Variants in ADGRB2 observed in about 807,000 individuals in gnomAD.
The protein encoded by ADGRB2 is adhesion G protein-coupled receptor B2.
Under a neutral mutation model 178.7 loss-of-function variants are expected in ADGRB2, and 47 were observed. That is an observed-to-expected ratio of 0.26 (90% CI 0.21 to 0.34). ADGRB2 has a LOEUF of 0.34. ADGRB2 is among the 10% of genes least tolerant of loss of function. The pLI is 1.00. For synonymous variants in ADGRB2, 870 were observed against 912.4 expected, an observed-to-expected ratio of 0.95 and a Z score of 0.84; for missense variants, 1,584 against 2,180.8, an observed-to-expected ratio of 0.73 and a Z score of 5.45.
Position 31,756,174 on chromosome 1 carries a change from T to C in ADGRB2, c.663A>G (p.Pro221=), listed in dbSNP as rs1646821293. The part of the protein sequence containing the change: ...AAGRACGFAQ[P]GCSCPGEAGA... The stretch of plus-strand genomic sequence containing the variant: ...CCGCCTCTCCAGGGCAGCTGCAGCC[T>C]GGCTGAGCAAAGCCGCAGGCCCTGC... The change falls in exon 4 of 33, where the codon CCA becomes CCG. Residue 221 remains proline (P), a synonymous_variant. Transcript: ENST00000373658. This position sits in a 1 kb window ranked among gnomAD's most constrained non-coding sequence, Gnocchi z 8.5. 1.2e-6 allele frequency: 2 copies of C among 1,613,236 alleles called. No individual in the cohort carries two copies. The highest frequency in any genetic ancestry group is 1.7e-6 in the Non-Finnish European group (2 of 1,179,868).
intron 20 of ADGRB2, among the ~76,000 whole-genome samples, chr1:31,737,128 T>C (rs1053020126): frequency 6.6e-6 from 1 of 152,056 alleles, no homozygotes; most frequent in Non-Finnish European, 1.5e-5. Context: ...GAGGCCTCAC[T>C]CAGGCTTCCA....
Position 31,728,370 on chromosome 1 carries a change from A to G in ADGRB2, c.4417-90T>C. 1 of 1,392,666 alleles carries G rather than the reference A, an allele frequency of 7.2e-7. No homozygotes were observed. Among genetic ancestry groups the G allele is most frequent in the South Asian group, 1.2e-5 (1 of 84,166 alleles). The allele number at this position is 1,392,666 out of a possible 1,614,324, so 86.3% of individuals were successfully genotyped here. ...GCACTCAGCACCCCAAGCCCCCCAC[A>G]TCCCTCCCTGCTGCCAGCCCCTCTG... On this transcript the variant is annotated intron_variant, in intron 30 of 32. Transcript: ENST00000373658. The surrounding 1 kb of genome is among the most constrained non-coding windows in gnomAD (Gnocchi z 6.7).
In ADGRB2 at chr1:31,740,123, T is replaced by A. The variant is rs1645854551; in HGVS notation, c.2045A>T (p.Asp682Val). 6.2e-7 allele frequency: 1 copy of A among 1,614,070 alleles called. No individual in the cohort carries two copies. The highest frequency in any genetic ancestry group is 8.5e-7 in the Non-Finnish European group (1 of 1,179,990). The part of the protein sequence containing the change: ...MVDAENKEKW[D>V]DAQQVSPGSV... ...TGTGCCCCGCACCTGCTGAGCATCGTCCCACTTCTCCTTGTTTTCCGCATC... is the reference window on the plus strand; with the variant it reads ...TGTGCCCCGCACCTGCTGAGCATCGACCCACTTCTCCTTGTTTTCCGCATC... Residue 682 changes from aspartate (D) to valine (V), a missense_variant, in exon 13 of 33, where the codon GAC (aspartate) becomes GTC (valine). Coordinates refer to ENST00000373658, the MANE Select transcript of ADGRB2 (RefSeq NM_001364857.2). This position sits in a 1 kb window ranked among gnomAD's most constrained non-coding sequence, Gnocchi z 5.9.
chr1:31,739,892 T>C (rs762547116), intron 14 of ADGRB2, 34 bp downstream of exon 14: 24 of 1,589,150 alleles, frequency 1.5e-5, no homozygotes, highest in Non-Finnish European at 2.0e-5. Context: ...TTCTGGCACA[T>C]TCAGGACCCC....
intron 15 of ADGRB2, 178 bp from the exon 16 acceptor site, chr1:31,739,115 G>T: frequency 2.4e-6 from 2 of 845,776 alleles, no homozygotes; most frequent in Non-Finnish European, 3.6e-6. Flanking sequence ...CTCACCCGCT[G>T]GGTGGCAGCC....
intron 4 of ADGRB2, among the ~76,000 whole-genome samples, chr1:31,747,231 C>T (rs1646323663): frequency 6.6e-6 from 1 of 152,108 alleles, no homozygotes. Flanking sequence ...GGTCTATTTT[C>T]CTGCTGTTTC....
At chr1:31,748,216 C>A (rs1236970276) in intron 4 of ADGRB2, among the ~76,000 whole-genome samples, 1 of 152,192 alleles carries the variant, frequency 6.6e-6, no homozygotes, top group Non-Finnish European at 1.5e-5. Flanking sequence ...TCAGTGGTTT[C>A]CAGAATTCAC....
Position 31,759,485 on chromosome 1 carries a change from TCCA to T in ADGRB2, c.-190-1977_-190-1975del, listed in dbSNP as rs1372296831. 2 of 710,140 alleles carry T rather than the reference TCCA, an allele frequency of 2.8e-6. No homozygotes were observed. Among genetic ancestry groups the T allele is most frequent in the African/African-American group, 3.5e-5 (2 of 57,284 alleles). 44.0% of individuals were successfully genotyped at this position (710,140 alleles called of 1,614,324 possible). A position where few individuals can be genotyped will look rare whatever the true frequency, so the allele number is the denominator to read the frequency against. On this transcript the variant is annotated intron_variant, in intron 1 of 32. Transcript: ENST00000373658. The surrounding 1 kb of genome is among the most constrained non-coding windows in gnomAD (Gnocchi z 4.3). ...CCCCGCCCCATCAAGAAGCACAAGG[TCCA>T]CATCCTTCAGAGCCACAGGCTGGCT...
At chr1:31,752,793 G>A (rs1235434401) in intron 4 of ADGRB2, among the ~76,000 whole-genome samples, 1 of 152,058 alleles carries the variant, frequency 6.6e-6, no homozygotes, top group Non-Finnish European at 1.5e-5. Flanking sequence ...ATAACTGGGG[G>A]TTCTGAGGCC....
At position 31,727,916 on chromosome 1, in the gene ADGRB2, G is replaced by A. The variant is rs1645069155; in HGVS notation, c.4572+109C>T. ...GCCCCAGACTGTTGCCCATGCCGTGGGGGAGGCCCTTGGTGAGACAGGCTG... is the reference window on the plus strand; with the variant it reads ...GCCCCAGACTGTTGCCCATGCCGTGAGGGAGGCCCTTGGTGAGACAGGCTG... On this transcript the variant is annotated intron_variant, in intron 32 of 32. Transcript: ENST00000373658. This position sits in a 1 kb window ranked among gnomAD's most constrained non-coding sequence, Gnocchi z 4.4. 2.2e-6 allele frequency: 3 copies of A among 1,374,716 alleles called. No individual in the cohort carries two copies. The Admixed American group carries it at 7.2e-5, about 33-fold the overall frequency. The allele number at this position is 1,374,716 out of a possible 1,614,324, so 85.2% of individuals were successfully genotyped here. A position where few individuals can be genotyped will look rare whatever the true frequency, so the allele number is the denominator to read the frequency against.
intron 18 of ADGRB2, 61 bp from the exon 19 acceptor site, chr1:31,737,816 C>T (rs1645706317): frequency 6.8e-7 from 1 of 1,465,872 alleles, no homozygotes. Flanking sequence ...CAGGGGTGCC[C>T]TGTCCCCTCA....
In ADGRB2 at chr1:31,739,466, T is replaced by G; in HGVS notation, c.2337A>C (p.Ala779=). The G allele has an allele frequency of 6.2e-7, 1 of 1,610,536 alleles. No individual in the cohort carries two copies. The highest frequency in any genetic ancestry group is 1.1e-5 in the South Asian group (1 of 90,548). The part of the protein sequence containing the change: ...SSPGKPATSG[A]AGSPGRGRGP... ...CCCTCCCCCTGCCAGGGCTGCCTGC[T>G]GCCCCAGATGTGGCTGGCTTCCCTG... Residue 779 remains alanine (A), a synonymous_variant, in exon 15 of 33, where the codon GCA becomes GCC. Coordinates refer to ENST00000373658, the MANE Select transcript of ADGRB2 (RefSeq NM_001364857.2).
chr1:31,764,152 C>T lies in ADGRB2; in HGVS notation c.-459G>A. 3 of 649,214 alleles carry T rather than the reference C, an allele frequency of 4.6e-6. No homozygotes were observed. Among genetic ancestry groups the T allele is most frequent in the Non-Finnish European group, 5.7e-6 (3 of 526,744 alleles). The allele number at this position is 649,214 out of a possible 1,614,324, so 40.2% of individuals were successfully genotyped here. A position where few individuals can be genotyped will look rare whatever the true frequency, so the allele number is the denominator to read the frequency against. On this transcript the variant is annotated 5_prime_UTR_variant, in exon 1 of 33. Coordinates refer to ENST00000373658, the MANE Select transcript of ADGRB2 (RefSeq NM_001364857.2). This position sits in a 1 kb window ranked among gnomAD's most constrained non-coding sequence, Gnocchi z 7.3. ...CCTCCTTGCCGCGCCGCCCCCCGCTCCCCCGCTCCCCCGCCCCGAGCACCG... is the reference window on the plus strand; with the variant it reads ...CCTCCTTGCCGCGCCGCCCCCCGCTTCCCCGCTCCCCCGCCCCGAGCACCG...
rs919836713 is a variant in ADGRB2, at chr1:31,759,548, C to G, written c.-190-2037G>C. 5.0e-6 allele frequency: 3 copies of G among 601,540 alleles called. No individual in the cohort carries two copies. The highest frequency in any genetic ancestry group is 9.0e-6 in the Non-Finnish European group (3 of 333,766). 37.3% of individuals were successfully genotyped at this position (601,540 alleles called of 1,614,324 possible). ...TGGAGTCACTTTTAACCCAATCCAA[C>G]CCCCCTCCTCCCCTCAGTCTCCTTC... On this transcript the variant is annotated intron_variant, in intron 1 of 32. Coordinates refer to ENST00000373658, the MANE Select transcript of ADGRB2 (RefSeq NM_001364857.2). This position sits in a 1 kb window ranked among gnomAD's most constrained non-coding sequence, Gnocchi z 4.3.
In ADGRB2 at chr1:31,755,288, C is replaced by A. The variant is rs1646775625; in HGVS notation, c.838+711G>T. ...GTGGCTGAGGGAGCTGGGGTGGGAG[C>A]GGGAGCAGGCAGGACTCAAGGGCTC... is the stretch of plus-strand genomic sequence containing the variant. On this transcript the variant is annotated intron_variant, in intron 4 of 32. Transcript: ENST00000373658. This position sits in a 1 kb window ranked among gnomAD's most constrained non-coding sequence, Gnocchi z 5.1. Among the ~76,000 whole-genome samples, 1 of 152,140 alleles carries A rather than the reference C, an allele frequency of 6.6e-6. No individual in the cohort carries two copies. Among genetic ancestry groups the A allele is most frequent in the African/African-American group, 2.4e-5 (1 of 41,440 alleles).
chr1:31,748,538 C>T (rs777231802), intron 4 of ADGRB2, among the ~76,000 whole-genome samples: 2 of 152,286 alleles, frequency 1.3e-5, no homozygotes, highest in Non-Finnish European at 2.9e-5. Flanking sequence ...GAGGCCAAAA[C>T]AGGGCAATCC....
intron 6 of ADGRB2, 136 bp from the exon 7 acceptor site, chr1:31,743,138 G>T: frequency 9.3e-7 from 1 of 1,070,140 alleles, no homozygotes; most frequent in Non-Finnish European, 1.2e-6. Flanking sequence ...GGGATCTGTT[G>T]CCAGGGGGAT....
chr1:31,739,840 A>G (rs958823639), intron 14 of ADGRB2, 86 bp downstream of exon 14: 15 of 1,338,690 alleles, frequency 1.1e-5, no homozygotes, highest in Middle Eastern at 1.8e-4. Flanking sequence ...ACAGAAAGAT[A>G]CAAATACGGG....
rs1351065597 is a variant in ADGRB2, at chr1:31,755,219, C to A, written c.838+780G>T. 6.6e-6 allele frequency among the ~76,000 whole-genome samples: 1 copy of A among 152,232 alleles called. No individual in the cohort carries two copies. Among genetic ancestry groups the A allele is most frequent in the Non-Finnish European group, 1.5e-5 (1 of 68,038 alleles). ...GCACACAGGATCCAGCTGAGGCCCTCAGGGCCTTGAAGCTGCAGGAAGCAG... is the reference window on the plus strand; with the variant it reads ...GCACACAGGATCCAGCTGAGGCCCTAAGGGCCTTGAAGCTGCAGGAAGCAG... On this transcript the variant is annotated intron_variant, in intron 4 of 32. Coordinates refer to ENST00000373658, the MANE Select transcript of ADGRB2 (RefSeq NM_001364857.2). This position sits in a 1 kb window ranked among gnomAD's most constrained non-coding sequence, Gnocchi z 5.1.
Sources: gnomAD v4.1 joint callset for allele counts (sites outside exome capture counted in the v4.1 genomes callset) on GRCh38, gnomAD v4.1.1 for gene constraint, Gnocchi (gnomAD v3.1) non-coding constraint, MANE v1.5 for transcripts, NCBI Gene and HGNC (gene_info 2026-07-23, HGNC 2026-07-21) for gene names.